Variants in PIAS2 observed in about 807,000 individuals in gnomAD.
PIAS2 encodes protein inhibitor of activated STAT 2.
In PIAS2, 19 loss-of-function variants were observed where a neutral mutation model predicts 69.7. The ratio of observed to expected loss-of-function variants is 0.27; its 90% CI spans 0.19 to 0.40. PIAS2 has a LOEUF of 0.40. Ranked by LOEUF, PIAS2 falls within the 10% of genes least tolerant of loss-of-function variation. The pLI is 1.00. For missense variants in PIAS2, 624 were observed against 757.0 expected (o/e 0.82, Z 2.06); for synonymous variants, 261 against 263.2 (o/e 0.99, Z 0.08).
chr18:46,919,141 G>C (rs915187457), upstream of PIAS2, among the ~76,000 whole-genome samples: 11 of 150,904 alleles, frequency 7.3e-5, no homozygotes, highest in African/African-American at 2.7e-4. Flanking sequence ...ACTTGAGGTC[G>C]GGAGTTGCAG....
rs1032466896 is a variant in PIAS2, at chr18:46,808,460, G to T, written c.*3973C>A. ...ATTGCAGGTTCCTAACAAAGTAGGG[G>T]TGAGGGGGGTGTTACAAACCAGTCA... is the stretch of plus-strand genomic sequence containing the variant. On this transcript the variant is annotated 3_prime_UTR_variant, in exon 14 of 14. Transcript: ENST00000585916. 1 of 152,204 alleles carries T rather than the reference G, an allele frequency of 6.6e-6. No individual in the cohort carries two copies. The highest frequency in any genetic ancestry group is 2.4e-5 in the African/African-American group (1 of 41,456). 9.4% of individuals were successfully genotyped at this position (152,204 alleles called of 1,614,324 possible). A position where few individuals can be genotyped will look rare whatever the true frequency, so the allele number is the denominator to read the frequency against.
At chr18:46,875,018 C>A (rs1042518745) in intron 2 of PIAS2, among the ~76,000 whole-genome samples, 1 of 152,104 alleles carries the variant, frequency 6.6e-6, no homozygotes, top group Non-Finnish European at 1.5e-5. Flanking sequence ...CCAGGGCCCA[C>A]CCCCACCAAA....
intron 1 of PIAS2, among the ~76,000 whole-genome samples, chr18:46,895,357 C>T (rs2054681082): frequency 6.6e-6 from 1 of 152,008 alleles, no homozygotes; most frequent in Non-Finnish European, 1.5e-5. Context: ...ATATTGCCTA[C>T]TCCAGCTACA....
chr18:46,909,506 C>G (rs2057013387), intron 1 of PIAS2, among the ~76,000 whole-genome samples: 1 of 152,172 alleles, frequency 6.6e-6, no homozygotes, highest in Non-Finnish European at 1.5e-5. Context: ...CCATGGCCTC[C>G]CAAAGTGCTA....
chr18:46,866,506 GA>G (rs2049488792), intron 2 of PIAS2, among the ~76,000 whole-genome samples: 1 of 152,130 alleles, frequency 6.6e-6, no homozygotes, highest in Non-Finnish European at 1.5e-5. Context: ...TGCATTACAA[GA>G]AATGTAAAAC....
chr18:46,854,626 A>G (rs745550219), intron 5 of PIAS2, among the ~76,000 whole-genome samples: 16 of 152,190 alleles, frequency 1.1e-4, no homozygotes, highest in Non-Finnish European at 2.1e-4. Context: ...AAAGCCATCT[A>G]TTAGGCCAGA....
At chr18:46,835,933 A>G (rs1463503624) in intron 9 of PIAS2, among the ~76,000 whole-genome samples, 5 of 152,252 alleles carry the variant, frequency 3.3e-5, no homozygotes, top group Non-Finnish European at 7.3e-5. Flanking sequence ...TTTGGACTCC[A>G]GAGTCAGAAA....
At position 46,820,987 on chromosome 18, in the gene PIAS2, A is replaced by G; in HGVS notation, c.1594T>C (p.Tyr532His). 1 of 1,613,526 alleles carries G rather than the reference A, an allele frequency of 6.2e-7. No individual in the cohort carries two copies. Among genetic ancestry groups the G allele is most frequent in the Non-Finnish European group, 8.5e-7 (1 of 1,179,536 alleles). The change falls in exon 12 of 14, where the codon TAC (tyrosine) becomes CAC (histidine). Residue 532 changes from tyrosine to histidine, a missense_variant. Physicochemically the swap from Tyr to His is moderately conservative, Grantham distance 83 (BLOSUM62 2). This residue lies in a region of PIAS2 where 241 missense variants were observed against 257.3 expected (regional missense o/e 0.94). Coordinates refer to ENST00000585916, the MANE Select transcript of PIAS2 (RefSeq NM_004671.5). ...PAAIPPSLTD[Y>H]SVPFHHTPIS... ...GGCGTATGGTGGAATGGTACTGAGT[A>G]GTCTGTTAATGAAGGCGGAATAGCA...
rs1256642620 is a variant in PIAS2 at position 46,808,296 on chromosome 18, T to C, written c.*4137A>G. On this transcript the variant is annotated 3_prime_UTR_variant, in exon 14 of 14. Transcript: ENST00000585916. Reference sequence around the variant, plus strand: ...TGGTGACAGAATCATAGGCAATTAATTGTTATACTTTTCTGTATTGTCTAA... The same window carrying C: ...TGGTGACAGAATCATAGGCAATTAACTGTTATACTTTTCTGTATTGTCTAA... The C allele has an allele frequency of 6.6e-6, 1 of 152,240 alleles. No individual in the cohort carries two copies. Among genetic ancestry groups the C allele is most frequent in the Non-Finnish European group, 1.5e-5 (1 of 68,026 alleles). The allele number at this position is 152,240 out of a possible 1,614,324, so 9.4% of individuals were successfully genotyped here.
chr18:46,893,064 C>T (rs1598902839), intron 1 of PIAS2, among the ~76,000 whole-genome samples: 1 of 152,238 alleles, frequency 6.6e-6, no homozygotes, highest in African/African-American at 2.4e-5. Flanking sequence ...ACACATACCA[C>T]AATGTGTGTT....
At chr18:46,848,753 G>A (rs572414958) in intron 5 of PIAS2, among the ~76,000 whole-genome samples, 5 of 149,538 alleles carry the variant, frequency 3.3e-5, no homozygotes, top group African/African-American at 1.2e-4. Context: ...ATATGGAAAT[G>A]AAAGAGAGAG....
At chr18:46,885,314 C>T (rs771580731) in intron 2 of PIAS2, among the ~76,000 whole-genome samples, 28 of 151,842 alleles carry the variant, frequency 1.8e-4, no homozygotes, top group Non-Finnish European at 3.1e-4. Context: ...GTCAGGAGTT[C>T]GAGACGAACC....
chr18:46,899,498 G>A (rs1195041374), intron 1 of PIAS2, among the ~76,000 whole-genome samples: 1 of 152,158 alleles, frequency 6.6e-6, no homozygotes, highest in Non-Finnish European at 1.5e-5. Flanking sequence ...TTGAGACAGG[G>A]TCTTGGCTCA....
In PIAS2 at chr18:46,808,790, T is replaced by C. The variant is rs956860305; in HGVS notation, c.*3643A>G. On this transcript the variant is annotated 3_prime_UTR_variant, in exon 14 of 14. Transcript: ENST00000585916. ...AGGAAAAATTAAGAAAATAAAAATGTTTACTAAAGAAAGAATGGTCCGGCT... is the reference window on the plus strand; with the variant it reads ...AGGAAAAATTAAGAAAATAAAAATGCTTACTAAAGAAAGAATGGTCCGGCT... 4.0e-5 allele frequency: 6 copies of C among 151,480 alleles called. No individual in the cohort carries two copies. Among genetic ancestry groups the C allele is most frequent in the African/African-American group, 9.7e-5 (4 of 41,258 alleles). The allele number at this position is 151,480 out of a possible 1,614,324, so 9.4% of individuals were successfully genotyped here. A position where few individuals can be genotyped will look rare whatever the true frequency, so the allele number is the denominator to read the frequency against.
At chr18:46,860,823 A>C (rs1186407648) in intron 3 of PIAS2, among the ~76,000 whole-genome samples, 1 of 152,142 alleles carries the variant, frequency 6.6e-6, no homozygotes, top group African/African-American at 2.4e-5. Context: ...TAAAAAACAT[A>C]AAAATTAGCC....
At chr18:46,894,579 T>C (rs1018831830) in intron 1 of PIAS2, among the ~76,000 whole-genome samples, 2 of 152,158 alleles carry the variant, frequency 1.3e-5, no homozygotes, top group Non-Finnish European at 2.9e-5. Flanking sequence ...CATAATTAAT[T>C]GTGTAAAAAG....
At chr18:46,835,876 T>C (rs2044355077) in intron 9 of PIAS2, among the ~76,000 whole-genome samples, 1 of 152,226 alleles carries the variant, frequency 6.6e-6, no homozygotes, top group African/African-American at 2.4e-5. Context: ...TTCATGTCAT[T>C]TTCCAAATTC....
chr18:46,866,855 C>T (rs1053785299), intron 2 of PIAS2, among the ~76,000 whole-genome samples: 1 of 152,164 alleles, frequency 6.6e-6, no homozygotes, highest in African/African-American at 2.4e-5. Context: ...TAGCGTGCCA[C>T]AAGCAGCAGG....
intron 9 of PIAS2, among the ~76,000 whole-genome samples, chr18:46,833,765 T>C (rs530795538): frequency 2.0e-5 from 3 of 152,240 alleles, no homozygotes; most frequent in Non-Finnish European, 2.9e-5. Context: ...AGTAATACTT[T>C]GATCAATGGA....
Sources: allele counts gnomAD v4.1 joint callset (sites outside exome capture counted in the v4.1 genomes callset), GRCh38; gene constraint gnomAD v4.1.1; regional missense constraint gnomAD v4.1.1; transcripts MANE v1.5; gene names NCBI Gene and HGNC (gene_info 2026-07-23, HGNC 2026-07-21).